Variants in ATXN7L1 observed in about 807,000 individuals in gnomAD.
ATXN7L1 encodes ataxin 7 like 1.
ATXN7L1 carries 15 observed loss-of-function variants against 70.8 expected under a neutral mutation model. The observed-to-expected ratio is 0.21, with a 90% CI of 0.14 to 0.33. ATXN7L1 has a LOEUF of 0.33. ATXN7L1 is among the 10% of genes least tolerant of loss of function. The pLI, the probability that ATXN7L1 is intolerant of heterozygous loss-of-function variation, is 1.00. For missense variants in ATXN7L1, 975 were observed against 1,097.1 expected, an observed-to-expected ratio of 0.89 and a Z score of 1.57; for synonymous variants, 440 against 445.1, an observed-to-expected ratio of 0.99 and a Z score of 0.14.
At chr7:105,805,606 C>G (rs965442657) in intron 2 of ATXN7L1, among the ~76,000 whole-genome samples, 1 of 152,180 alleles carries the variant, frequency 6.6e-6, no homozygotes, top group Non-Finnish European at 1.5e-5. Flanking sequence ...ACTCACAAGC[C>G]CACAGTACAC....
chr7:105,669,643 C>A (rs1234832557), intron 3 of ATXN7L1, among the ~76,000 whole-genome samples: 2 of 152,098 alleles, frequency 1.3e-5, no homozygotes. Context: ...AATTTAAAGG[C>A]CCAGCACGGT....
In ATXN7L1 at chr7:105,638,584, G is replaced by A; in HGVS notation, c.971C>T (p.Ala324Val). The stretch of plus-strand genomic sequence containing the variant: ...AAATTGCTTTTTCCGGCCTGGGACT[G>A]CCCTCCGATGGCTTAGCGAATGTGT... ...CKTHSLSHRR[A>V]VPGRKKQFDL... Residue 324 changes from alanine to valine, a missense_variant, in exon 7 of 12, where the codon GCA (alanine) becomes GTA (valine). Coordinates refer to ENST00000419735, the MANE Select transcript of ATXN7L1 (RefSeq NM_020725.2). 1 of 1,551,794 alleles carries A rather than the reference G, an allele frequency of 6.4e-7. No individual in the cohort carries two copies. Among genetic ancestry groups the A allele is most frequent in the South Asian group, 1.2e-5 (1 of 84,058 alleles).
At chr7:105,623,820 T>A (rs781469692) in intron 8 of ATXN7L1, among the ~76,000 whole-genome samples, 8 of 152,246 alleles carry the variant, frequency 5.3e-5, no homozygotes, top group Non-Finnish European at 1.2e-4. Context: ...CTCGGGATTA[T>A]CCATTTTTTC....
At chr7:105,871,092 T>TTG (rs1300967797) in intron 2 of ATXN7L1, among the ~76,000 whole-genome samples, 7 of 151,692 alleles carry the variant, frequency 4.6e-5, no homozygotes, top group South Asian at 2.1e-4. Flanking sequence ...GGGTTTTTTT[T>TTG]TTTTTTTTTT....
chr7:105,859,410 C>T (rs565494548), intron 2 of ATXN7L1, among the ~76,000 whole-genome samples: 71 of 152,128 alleles, frequency 4.7e-4, no homozygotes, highest in Middle Eastern at 3.4e-3. Context: ...TATACACATA[C>T]ATATACATAT....
chr7:105,862,455 C>T (rs1169872704), intron 2 of ATXN7L1, among the ~76,000 whole-genome samples: 2 of 152,110 alleles, frequency 1.3e-5, no homozygotes, highest in Non-Finnish European at 2.9e-5. Flanking sequence ...AAAATGTGAC[C>T]AGTTCCTCTT....
chr7:105,659,020 C>T (rs1487972242), intron 4 of ATXN7L1, among the ~76,000 whole-genome samples: 5 of 152,084 alleles, frequency 3.3e-5, no homozygotes, highest in Non-Finnish European at 7.4e-5. Context: ...ACCTGTAATC[C>T]CAGCTACTCA....
chr7:105,632,443 A>T (rs1214830998), intron 7 of ATXN7L1, among the ~76,000 whole-genome samples: 1 of 152,216 alleles, frequency 6.6e-6, no homozygotes, highest in East Asian at 1.9e-4. Context: ...GTAAGAGACA[A>T]AAAGAGGTAA....
At chr7:105,740,923 C>T (rs1393139112) in intron 3 of ATXN7L1, among the ~76,000 whole-genome samples, 3 of 151,940 alleles carry the variant, frequency 2.0e-5, no homozygotes, top group Admixed American at 1.3e-4. Context: ...CGCCACCACG[C>T]CTGGCTAATT....
At chr7:105,856,934 C>CT (rs1329382257) in intron 2 of ATXN7L1, among the ~76,000 whole-genome samples, 3 of 152,102 alleles carry the variant, frequency 2.0e-5, no homozygotes, top group African/African-American at 7.2e-5. Flanking sequence ...TCTGAAAACT[C>CT]TACTTCAAAA....
At chr7:105,786,686 A>T (rs551218659) in intron 3 of ATXN7L1, among the ~76,000 whole-genome samples, 2 of 149,622 alleles carry the variant, frequency 1.3e-5, no homozygotes, top group South Asian at 4.3e-4. Flanking sequence ...ACCTGGCTAA[A>T]TTTTTTTTTT....
chr7:105,761,051 G>T, intron 3 of ATXN7L1: 2 of 565,720 alleles, frequency 3.5e-6, no homozygotes, highest in Non-Finnish European at 4.6e-6. Context: ...ACTTCTGCGT[G>T]CAGAATGAAT....
At chr7:105,828,669 T>C (rs1811192456) in intron 2 of ATXN7L1, among the ~76,000 whole-genome samples, 1 of 152,222 alleles carries the variant, frequency 6.6e-6, no homozygotes, top group African/African-American at 2.4e-5. Context: ...AAAAAGTTTC[T>C]GAGGGAGAAA....
intron 3 of ATXN7L1, among the ~76,000 whole-genome samples, chr7:105,773,388 C>T (rs560029234): frequency 6.6e-6 from 1 of 152,240 alleles, no homozygotes; most frequent in East Asian, 1.9e-4. Context: ...CACACTATAC[C>T]CATCTCTTTC....
At chr7:105,716,651 G>A (rs192909234) in intron 3 of ATXN7L1, among the ~76,000 whole-genome samples, 133 of 137,240 alleles carry the variant, frequency 9.7e-4, no homozygotes, top group African/African-American at 3.6e-3. Flanking sequence ...GCAACATGGC[G>A]AAAACCTATC....
intron 3 of ATXN7L1, among the ~76,000 whole-genome samples, chr7:105,680,545 T>C (rs994496153): frequency 9.9e-5 from 15 of 152,108 alleles, no homozygotes; most frequent in Non-Finnish European, 1.8e-4. Context: ...TAGGGGGGTG[T>C]TGAGGGGGTA....
chr7:105,709,242 G>C (rs944814341), intron 3 of ATXN7L1, among the ~76,000 whole-genome samples: 42 of 152,180 alleles, frequency 2.8e-4, no homozygotes, highest in Admixed American at 8.5e-4. Flanking sequence ...GCTGAGGCAG[G>C]AGAATTGCTT....
chr7:105,790,259 C>G (rs997465336), intron 2 of ATXN7L1, among the ~76,000 whole-genome samples: 4 of 152,158 alleles, frequency 2.6e-5, no homozygotes, highest in Non-Finnish European at 4.4e-5. Context: ...TGAGAACAGA[C>G]TAAAACCCAC....
intron 3 of ATXN7L1, among the ~76,000 whole-genome samples, chr7:105,733,545 TCCATCCATCCACCCATCCATCCTTC>T (rs1563048599): frequency 8.5e-5 from 11 of 128,760 alleles, no homozygotes; most frequent in African/African-American, 2.7e-4. Context: ...CATCCACCCA[TCCATCCATCCACCCATCCATCCTTC>T]CATCCATCCA....
Sources: allele counts gnomAD v4.1 joint callset (sites outside exome capture counted in the v4.1 genomes callset), GRCh38; gene constraint gnomAD v4.1.1; transcripts MANE v1.5; gene names NCBI Gene and HGNC (gene_info 2026-07-23, HGNC 2026-07-21).